The following NCKAP5L variants were observed in gnomAD, a reference collection of about 807,000 sequenced individuals.
NCKAP5L encodes nck-associated protein 5-like.
In NCKAP5L, 54 loss-of-function variants were observed where a neutral mutation model predicts 103.2. That is an observed-to-expected ratio of 0.52 (90% CI 0.42 to 0.66). The LOEUF is 0.66. Among genes scored for constraint, NCKAP5L ranks in the 30% least tolerant of loss-of-function variants. NCKAP5L has a pLI of 0.00. For synonymous variants in NCKAP5L, 762 were observed against 748.6 expected (o/e 1.02, Z -0.29); for missense variants, 1,733 against 1,750.6 (o/e 0.99, Z 0.18).
intron 1 of NCKAP5L, among the ~76,000 whole-genome samples, chr12:49,807,808 C>A (rs76181132): frequency 6.6e-6 from 1 of 152,252 alleles, no homozygotes; most frequent in Non-Finnish European, 1.5e-5. Context: ...CGGTCCCCAG[C>A]GTGTCCCTCA....
chr12:49,803,282 C>G, intron 3 of NCKAP5L, 117 bp from the exon 4 acceptor site: 2 of 932,356 alleles, frequency 2.1e-6, no homozygotes, highest in Non-Finnish European at 3.3e-6. Flanking sequence ...TATACCCCCA[C>G]TCCAGCTCTT....
At chr12:49,800,287 T>C (rs1295020931) in intron 6 of NCKAP5L, among the ~76,000 whole-genome samples, 1 of 152,254 alleles carries the variant, frequency 6.6e-6, no homozygotes, top group Admixed American at 6.5e-5. Flanking sequence ...CTGGGTTCTT[T>C]GACGGCACTG....
intron 6 of NCKAP5L, among the ~76,000 whole-genome samples, chr12:49,801,477 C>T (rs1946117097): frequency 6.6e-6 from 1 of 152,186 alleles, no homozygotes; most frequent in Admixed American, 6.5e-5. Flanking sequence ...TCTGTGACAC[C>T]ATACCCTAGG....
chr12:49,805,501 T>C (rs1946169760), intron 2 of NCKAP5L: 1 of 152,218 alleles, frequency 6.6e-6, no homozygotes, highest in East Asian at 1.9e-4. Context: ...TTCCAGTAGA[T>C]GGGCAACCCT....
Position 49,822,798 on chromosome 12 carries a change from T to TG in NCKAP5L, c.-99+5523_-99+5524insC, listed in dbSNP as rs1190954959. On this transcript the variant is annotated intron_variant, in intron 1 of 12. Coordinates refer to ENST00000335999, the MANE Select transcript of NCKAP5L (RefSeq NM_001037806.4). ...CCTGACCTCAAGTGATCCGCCCACC[T>TG]TGGCCTCCCACAGTGCTGGGCATGA... Among the ~76,000 whole-genome samples the TG allele has an allele frequency of 4.9e-4, 74 of 152,282 alleles. 1 individual carries two copies. The South Asian group carries it at 0.015, about 31-fold the overall frequency.
At position 49,792,568 on chromosome 12, in the gene NCKAP5L, G is replaced by A. The variant is rs1945954492; in HGVS notation, c.3670C>T (p.Pro1224Ser). 1 of 1,613,874 alleles carries A rather than the reference G, an allele frequency of 6.2e-7. No homozygotes were observed. Among genetic ancestry groups the A allele is most frequent in the East Asian group, 2.2e-5 (1 of 44,848 alleles). Residue 1224 changes from proline to serine, a missense_variant, in exon 12 of 13, where the codon CCC becomes TCC. Pro to Ser is a moderately conservative substitution (Grantham distance 74). Coordinates refer to ENST00000335999, the MANE Select transcript of NCKAP5L (RefSeq NM_001037806.4). The surrounding 1 kb of genome is among the most constrained non-coding windows in gnomAD (Gnocchi z 4.5). Reference sequence around the variant, plus strand: ...TTGGCCAGCTGGACAGGAGGGGTGGGGCCTGGGTCTTCACAGGGATCTGTC... The same window carrying A: ...TTGGCCAGCTGGACAGGAGGGGTGGAGCCTGGGTCTTCACAGGGATCTGTC... ...CPDDPCEDPG[P>S]TPPVQLAKNW...
chr12:49,818,581 G>A (rs1169077970), intron 1 of NCKAP5L, among the ~76,000 whole-genome samples: 2 of 151,884 alleles, frequency 1.3e-5, no homozygotes, highest in Non-Finnish European at 2.9e-5. Flanking sequence ...GGCTGGTCTC[G>A]AACTCCTGGG....
chr12:49,802,686 C>G (rs981246985), intron 5 of NCKAP5L: 4 of 521,116 alleles, frequency 7.7e-6, no homozygotes, highest in Non-Finnish European at 1.4e-5. Flanking sequence ...CTCACAACAT[C>G]AACACTGCTT....
intron 6 of NCKAP5L, among the ~76,000 whole-genome samples, chr12:49,801,157 AC>A (rs1007334784): frequency 6.6e-5 from 10 of 151,594 alleles, no homozygotes; most frequent in South Asian, 4.2e-4. Context: ...AAACACGCAC[AC>A]CCCCCTCCCC....
Position 49,795,276 on chromosome 12 carries a change from G to A in NCKAP5L, c.2584C>T (p.Pro862Ser). ...DCGSTTAQST[P>S]LVPGPTDPSQ... ...GGGTCAGTGGGGCCAGGTACTAGGGGTGTGGACTGGGCCGTGGTACTACCA... is the reference window on the plus strand; with the variant it reads ...GGGTCAGTGGGGCCAGGTACTAGGGATGTGGACTGGGCCGTGGTACTACCA... Residue 862 changes from proline to serine, a missense_variant, in exon 8 of 13, where the codon CCC (proline) becomes TCC (serine). Physicochemically the swap from Pro to Ser is moderately conservative, Grantham distance 74. Transcript: ENST00000335999. The A allele has an allele frequency of 6.5e-7, 1 of 1,537,300 alleles. No individual in the cohort carries two copies. The highest frequency in any genetic ancestry group is 1.8e-4 in the Middle Eastern group (1 of 5,666).
chr12:49,796,636 C>T lies in NCKAP5L; in HGVS notation c.1224G>A (p.Met408Ile). ...GTGGGGCATCCCCAGCACCCATGAACATGCTAAGGAAGGGGAGGGGCCCCT... is the reference window on the plus strand; with the variant it reads ...GTGGGGCATCCCCAGCACCCATGAATATGCTAAGGAAGGGGAGGGGCCCCT... The part of the protein sequence containing the change: ...EGQGPLPFLS[M>I]FMGAGDAPLG... The change falls in exon 8 of 13, where the codon ATG becomes ATA. Residue 408 changes from methionine to isoleucine, a missense_variant. By Grantham distance (10) the Met-to-Ile change is conservative. Coordinates refer to ENST00000335999, the MANE Select transcript of NCKAP5L (RefSeq NM_001037806.4). 2 of 1,590,058 alleles carry T rather than the reference C, an allele frequency of 1.3e-6. No homozygotes were observed. Among genetic ancestry groups the T allele is most frequent in the Non-Finnish European group, 1.7e-6 (2 of 1,169,148 alleles).
chr12:49,792,732 G>A lies in NCKAP5L; in HGVS notation c.3595C>T (p.Pro1199Ser). ...CCCGGAGCAGCGGGTAGCAGTGCAG[G>A]GAAGGCTGGCATGCTGGGGTGCCGC... ...SGRHPSMPAFPALLPAAPGHR... is the reference protein window; with the variant it reads ...SGRHPSMPAFSALLPAAPGHR... The change falls in exon 11 of 13, where the codon CCT becomes TCT. Residue 1199 changes from proline to serine, a missense_variant. Physicochemically the swap from Pro to Ser is moderately conservative, Grantham distance 74. Transcript: ENST00000335999. This position sits in a 1 kb window ranked among gnomAD's most constrained non-coding sequence, Gnocchi z 4.5. 2 of 1,610,402 alleles carry A rather than the reference G, an allele frequency of 1.2e-6. No homozygotes were observed. The highest frequency in any genetic ancestry group is 8.5e-7 in the Non-Finnish European group (1 of 1,178,860).
At chr12:49,793,267 G>C (rs1945969515) in intron 10 of NCKAP5L, 85 bp downstream of exon 10, 1 of 1,365,362 alleles carries the variant, frequency 7.3e-7, no homozygotes. Context: ...CCTGGCACCT[G>C]CTGCGGGGAC....
intron 1 of NCKAP5L, among the ~76,000 whole-genome samples, chr12:49,811,524 C>T (rs1592757328): frequency 6.6e-6 from 1 of 152,056 alleles, no homozygotes; most frequent in East Asian, 1.9e-4. Context: ...TCCTGCTTGT[C>T]CCAGACTTTC....
At chr12:49,810,694 G>C (rs1565593616) in intron 1 of NCKAP5L, among the ~76,000 whole-genome samples, 3 of 152,158 alleles carry the variant, frequency 2.0e-5, no homozygotes, top group Admixed American at 1.3e-4. Context: ...CTTCTATTAA[G>C]TCAGACAGAA....
intron 1 of NCKAP5L, among the ~76,000 whole-genome samples, chr12:49,815,945 C>G (rs565816547): frequency 6.6e-6 from 1 of 152,186 alleles, no homozygotes; most frequent in Non-Finnish European, 1.5e-5. Context: ...AATCTTCCCA[C>G]GACCTCCTAC....
chr12:49,825,837 C>T lies in NCKAP5L; in HGVS notation c.-99+2485G>A, dbSNP rs74092118. Among the ~76,000 whole-genome samples, 456 of 152,304 alleles carry T rather than the reference C, an allele frequency of 3.0e-3. 3 individuals carry two copies. The highest frequency in any genetic ancestry group is 0.01 in the African/African-American group (427 of 41,546). The stretch of plus-strand genomic sequence containing the variant: ...TGAGCAAACCCAGGGCTTCCTTAAC[C>T]ACCACCTCTCCTTCAACATTCCCCT... On this transcript the variant is annotated intron_variant, in intron 1 of 12. Transcript: ENST00000335999.
intron 1 of NCKAP5L, among the ~76,000 whole-genome samples, chr12:49,812,916 T>G (rs1337528634): frequency 6.6e-6 from 1 of 152,238 alleles, no homozygotes; most frequent in Non-Finnish European, 1.5e-5. Flanking sequence ...AGTATTTGCA[T>G]AAAACCTAAA....
Position 49,796,490 on chromosome 12 carries a change from T to G in NCKAP5L, c.1370A>C (p.Lys457Thr). 1 of 1,536,002 alleles carries G rather than the reference T, an allele frequency of 6.5e-7. No individual in the cohort carries two copies. Among genetic ancestry groups the G allele is most frequent in the Non-Finnish European group, 8.8e-7 (1 of 1,142,758 alleles). Residue 457 changes from lysine (K) to threonine (T), a missense_variant, in exon 8 of 13, where the codon AAG (lysine) becomes ACG (threonine). Transcript: ENST00000335999. The stretch of plus-strand genomic sequence containing the variant: ...CGAGGTTGGAGGCAGCTTTAGAAAC[T>G]TGAGACCCCTAGCTGGAGAGGGCAG... ...PLLPSPARGLKFLKLPPTSEK... is the reference protein window; with the variant it reads ...PLLPSPARGLTFLKLPPTSEK...
Sources: allele counts gnomAD v4.1 joint callset (sites outside exome capture counted in the v4.1 genomes callset), GRCh38; gene constraint gnomAD v4.1.1; non-coding constraint Gnocchi (gnomAD v3.1); transcripts MANE v1.5; gene names NCBI Gene and HGNC (gene_info 2026-07-23, HGNC 2026-07-21).